DGKB: variants seen among roughly 807,000 people sequenced by gnomAD.
The protein encoded by DGKB is diacylglycerol kinase beta, also known as 90 kDa diacylglycerol kinase.
In DGKB, 67 loss-of-function variants were observed where a neutral mutation model predicts 114.3. That is an observed-to-expected ratio of 0.59 (90% CI 0.48 to 0.72). DGKB has a LOEUF of 0.72. DGKB is among the 30% of genes least tolerant of loss of function. The probability of loss-of-function intolerance (pLI) is 0.00; values close to 1 mark genes in which losing one functional copy is unlikely to be tolerated. For missense variants in DGKB, 907 were observed against 975.2 expected (o/e 0.93, Z 0.93); for synonymous variants, 398 against 323.1 (o/e 1.23, Z -2.49).
intron 21 of DGKB, among the ~76,000 whole-genome samples, chr7:14,430,917 T>C (rs1372336540): frequency 1.3e-5 from 2 of 152,196 alleles, no homozygotes; most frequent in Non-Finnish European, 2.9e-5. Context: ...ATTCTACCTC[T>C]AGATTTGTTC....
chr7:14,758,928 GATAGATAC>G lies in DGKB; in HGVS notation c.71-1205_71-1198del, dbSNP rs1554262149. Among the ~76,000 whole-genome samples the G allele has an allele frequency of 3.4e-3, 494 of 146,952 alleles. 3 individuals are homozygous for G. The highest frequency in any genetic ancestry group is 0.012 in the African/African-American group (474 of 39,608). On this transcript the variant is annotated intron_variant, in intron 2 of 25. Coordinates refer to ENST00000402815, the MANE Select transcript of DGKB (RefSeq NM_001350709.2). ...AGATAGATAGATAGATAGATAGATA[GATAGATAC>G]ATAGATAGATAGAGTTTCGCTCTTG...
intron 20 of DGKB, among the ~76,000 whole-genome samples, chr7:14,515,628 A>G (rs1788669070): frequency 6.6e-6 from 1 of 152,250 alleles, no homozygotes; most frequent in Non-Finnish European, 1.5e-5. Flanking sequence ...TTCACATTTT[A>G]AGTGTTCAAT....
At chr7:14,656,753 T>TATACACACACACAC (rs139391597) in intron 13 of DGKB, among the ~76,000 whole-genome samples, 3 of 149,230 alleles carry the variant, frequency 2.0e-5, no homozygotes, top group African/African-American at 4.9e-5. Flanking sequence ...ATAGGATATA[T>TATACACACACACAC]ACACACACAC....
At chr7:14,576,668 A>C in intron 19 of DGKB, among the ~76,000 whole-genome samples, 1 of 152,176 alleles carries the variant, frequency 6.6e-6, no homozygotes, top group Non-Finnish European at 1.5e-5. Flanking sequence ...TAATAGCAGC[A>C]CCGTCCAACA....
chr7:14,519,743 T>G (rs1217078009), intron 20 of DGKB, among the ~76,000 whole-genome samples: 2 of 151,976 alleles, frequency 1.3e-5, no homozygotes, highest in Admixed American at 6.6e-5. Context: ...ATTACAGCCT[T>G]CTCAGTGGGC....
intron 1 of DGKB, among the ~76,000 whole-genome samples, chr7:14,972,660 C>T (rs1004287278): frequency 8.0e-6 from 1 of 124,598 alleles, no homozygotes; most frequent in Non-Finnish European, 1.6e-5. Flanking sequence ...GATGTCCTCT[C>T]AAAGATTGTT....
intron 1 of DGKB, among the ~76,000 whole-genome samples, chr7:14,894,969 C>A (rs907690616): frequency 6.6e-6 from 1 of 151,378 alleles, no homozygotes; most frequent in African/African-American, 2.4e-5. Flanking sequence ...AATAGAGCAC[C>A]CCTCCTAGTG....
intron 14 of DGKB, among the ~76,000 whole-genome samples, chr7:14,625,717 A>G (rs1366432209): frequency 6.6e-6 from 1 of 152,138 alleles, no homozygotes; most frequent in Non-Finnish European, 1.5e-5. Flanking sequence ...TAGATATACA[A>G]AGAGTTGGAA....
intron 7 of DGKB, 83 bp downstream of exon 7, chr7:14,701,598 G>A (rs980723662): frequency 4.1e-6 from 4 of 967,028 alleles, no homozygotes; most frequent in Non-Finnish European, 6.7e-6. Flanking sequence ...TGCCTTCTGT[G>A]GTAATAACTA....
At chr7:14,280,581 A>G (rs1451972709) in intron 23 of DGKB, among the ~76,000 whole-genome samples, 3 of 150,732 alleles carry the variant, frequency 2.0e-5, no homozygotes, top group Non-Finnish European at 3.0e-5. Flanking sequence ...AGTTGAAATG[A>G]AGGAAAAAAT....
At chr7:14,932,761 A>G (rs971348434) in intron 1 of DGKB, among the ~76,000 whole-genome samples, 1 of 152,314 alleles carries the variant, frequency 6.6e-6, no homozygotes, top group East Asian at 1.9e-4. Context: ...CCAAAGTATC[A>G]TAAGGGTCAC....
At chr7:14,689,982 T>G (rs569180900) in intron 9 of DGKB, among the ~76,000 whole-genome samples, 1 of 152,184 alleles carries the variant, frequency 6.6e-6, no homozygotes, top group African/African-American at 2.4e-5. Context: ...GGCACACATA[T>G]AGTGAGACCA....
intron 21 of DGKB, among the ~76,000 whole-genome samples, chr7:14,451,926 A>T (rs1681519101): frequency 1.3e-5 from 2 of 152,088 alleles, no homozygotes; most frequent in African/African-American, 4.8e-5. Context: ...CAGACTTATG[A>T]TTGTTTAATA....
chr7:14,959,854 G>T (rs1338318915), intron 1 of DGKB, among the ~76,000 whole-genome samples: 1 of 151,288 alleles, frequency 6.6e-6, no homozygotes, highest in Non-Finnish European at 1.5e-5. Flanking sequence ...ATATGAAAAT[G>T]TCTATATACC....
intron 1 of DGKB, among the ~76,000 whole-genome samples, chr7:14,969,120 C>A (rs536739183): frequency 1.3e-5 from 2 of 152,206 alleles, no homozygotes; most frequent in Admixed American, 1.3e-4. Context: ...AGAGAACAAC[C>A]AAAGGTAGGT....
intron 2 of DGKB, among the ~76,000 whole-genome samples, chr7:14,805,116 T>C (rs17288513): frequency 0.044 from 6,666 of 152,178 alleles, 163 homozygotes; most frequent in Middle Eastern, 0.061. Context: ...AATTTTTTAG[T>C]TGTCTCCATT....
chr7:14,150,772 G>C (rs1195904417), intron 25 of DGKB, among the ~76,000 whole-genome samples: 2 of 152,040 alleles, frequency 1.3e-5, no homozygotes, highest in African/African-American at 2.4e-5. Flanking sequence ...GTCAGCATTA[G>C]AGTATACTGT....
At chr7:14,270,288 A>G (rs748387404) in intron 23 of DGKB, among the ~76,000 whole-genome samples, 2 of 152,092 alleles carry the variant, frequency 1.3e-5, no homozygotes, top group East Asian at 3.9e-4. Context: ...TCTCCTAACC[A>G]ATTTCCTCTG....
chr7:14,904,934 T>A (rs1783611287), upstream of DGKB, among the ~76,000 whole-genome samples: 1 of 152,198 alleles, frequency 6.6e-6, no homozygotes, highest in African/African-American at 2.4e-5. Context: ...ACAAATGGTA[T>A]GATTTTAAAC....
Sources: allele counts gnomAD v4.1 joint callset (sites outside exome capture counted in the v4.1 genomes callset), GRCh38; gene constraint gnomAD v4.1.1; transcripts MANE v1.5; gene names NCBI Gene and HGNC (gene_info 2026-07-23, HGNC 2026-07-21).